The following ADCY9 variants were observed in gnomAD, a reference collection of about 807,000 sequenced individuals.
ADCY9 encodes adenylate cyclase 9.
A neutral mutation model predicts 101.5 loss-of-function variants in ADCY9; 50 were observed. The observed-to-expected ratio is 0.49, with a 90% confidence interval of 0.39 to 0.62. The LOEUF (loss-of-function observed/expected upper bound fraction) is 0.62. Ranked by LOEUF, ADCY9 falls within the 20% of genes least tolerant of loss-of-function variation. The probability of loss-of-function intolerance (pLI) is 0.00; values close to 1 mark genes in which losing one functional copy is unlikely to be tolerated. For synonymous variants in ADCY9, 905 were observed against 769.3 expected, an observed-to-expected ratio of 1.18 and a Z score of -2.92; for missense variants, 1,662 against 1,800.4, an observed-to-expected ratio of 0.92 and a Z score of 1.39.
At chr16:3,968,997 C>A (rs927210571) in intron 10 of ADCY9, among the ~76,000 whole-genome samples, 1 of 152,126 alleles carries the variant, frequency 6.6e-6, no homozygotes, top group Non-Finnish European at 1.5e-5. Context: ...AGGTGCACGC[C>A]ACCATGCCCA....
Position 3,979,110 on chromosome 16 carries a change from A to C in ADCY9, c.2679+6T>G, listed in dbSNP as rs780180110. The C allele has an allele frequency of 6.2e-7, 1 of 1,614,204 alleles. No individual in the cohort carries two copies. The highest frequency in any genetic ancestry group is 8.5e-7 in the Non-Finnish European group (1 of 1,180,020). ...GTGGAAATAAAACGGCTGAGCCTTT[A>C]CTTACGTGTATGTTGGTCTCATATT... On this transcript the variant is annotated splice_donor_region_variant and intron_variant, in intron 8 of 10. Transcript: ENST00000294016.
At chr16:4,038,223 G>C (rs964392266) in intron 2 of ADCY9, among the ~76,000 whole-genome samples, 1 of 151,714 alleles carries the variant, frequency 6.6e-6, no homozygotes, top group African/African-American at 2.4e-5. Context: ...CCAGGCTGCA[G>C]TGAGCCGTGA....
chr16:4,092,634 A>T (rs2056980630), intron 2 of ADCY9, among the ~76,000 whole-genome samples: 1 of 152,154 alleles, frequency 6.6e-6, no homozygotes, highest in South Asian at 2.1e-4. Context: ...TTTGATTCAA[A>T]TTTCTCTTTC....
At chr16:4,049,275 G>A (rs2056685726) in intron 2 of ADCY9, among the ~76,000 whole-genome samples, 2 of 152,158 alleles carry the variant, frequency 1.3e-5, no homozygotes, top group Non-Finnish European at 2.9e-5. Flanking sequence ...CCAGAGAGAA[G>A]AGGGTCCAGG....
intron 2 of ADCY9, among the ~76,000 whole-genome samples, chr16:4,070,120 A>ATGTGTG (rs58833048): frequency 4.7e-5 from 7 of 149,584 alleles, no homozygotes; most frequent in South Asian, 4.2e-4. Flanking sequence ...ATGTGTGTGT[A>ATGTGTG]TGTGTGTGTG....
At chr16:4,059,518 A>G (rs2056761503) in intron 2 of ADCY9, among the ~76,000 whole-genome samples, 1 of 152,234 alleles carries the variant, frequency 6.6e-6, no homozygotes, top group South Asian at 2.1e-4. Flanking sequence ...AAGTAACAAC[A>G]AAACTAGACA....
chr16:3,993,217 T>G (rs73490506), intron 4 of ADCY9, 189 bp downstream of exon 4: 1 of 980,568 alleles, frequency 1.0e-6, no homozygotes. Context: ...GGTTTCCACG[T>G]GGGTTGCTGC....
chr16:3,977,388 G>A lies in ADCY9; in HGVS notation c.2828+94C>T, dbSNP rs755725221. The stretch of plus-strand genomic sequence containing the variant: ...TGATGGGAAATATCTCTATCGGGGC[G>A]TGAGAAGCAATGTGCAAATGCAGCC... On this transcript the variant is annotated intron_variant, in intron 9 of 10. Transcript: ENST00000294016. 88 of 1,453,604 alleles carry A rather than the reference G, an allele frequency of 6.1e-5. 1 individual carries two copies. The highest frequency in any genetic ancestry group is 3.2e-4 in the East Asian group (13 of 40,052). 90.0% of individuals were successfully genotyped at this position (1,453,604 alleles called of 1,614,324 possible).
intron 8 of ADCY9, among the ~76,000 whole-genome samples, chr16:3,978,334 G>T (rs923708340): frequency 1.3e-5 from 2 of 151,958 alleles, no homozygotes; most frequent in Non-Finnish European, 2.9e-5. Context: ...CCATCAGCCC[G>T]CCCGGAAGCT....
At chr16:3,978,167 G>A (rs979739366) in intron 8 of ADCY9, among the ~76,000 whole-genome samples, 4 of 152,176 alleles carry the variant, frequency 2.6e-5, no homozygotes, top group African/African-American at 9.7e-5. Context: ...CTGTTCACAT[G>A]GCATCACACT....
chr16:4,103,817 C>T (rs1263382698), intron 2 of ADCY9, among the ~76,000 whole-genome samples: 3 of 151,834 alleles, frequency 2.0e-5, no homozygotes, highest in East Asian at 3.9e-4. Context: ...GGCGACAGAG[C>T]GAGACTCTGT....
In ADCY9 at chr16:4,114,024, G is replaced by A. The variant is rs765382815; in HGVS notation, c.1419C>T (p.Ile473=). The A allele has an allele frequency of 1.8e-5, 29 of 1,613,688 alleles. No individual in the cohort carries two copies. Among genetic ancestry groups the A allele is most frequent in the Admixed American group, 1.2e-4 (7 of 60,004 alleles). Residue 473 remains isoleucine, a synonymous_variant, in exon 2 of 11, where the codon ATC becomes ATT. Transcript: ENST00000294016. The surrounding 1 kb of genome is among the most constrained non-coding windows in gnomAD (Gnocchi z 4.3). ...CCTTCTTCTCCTGGCAGAACTGCTC[G>A]ATGGCCTTGATCATGCCCAGGCCCA... The part of the protein sequence containing the change: ...IEMGLGMIKA[I]EQFCQEKKEM...
intron 2 of ADCY9, among the ~76,000 whole-genome samples, chr16:4,087,757 T>C (rs1323416905): frequency 6.6e-6 from 1 of 151,858 alleles, no homozygotes; most frequent in Non-Finnish European, 1.5e-5. Context: ...AGCAATCCTG[T>C]TACTATTTGC....
chr16:3,996,609 G>A (rs1597153694), intron 3 of ADCY9, among the ~76,000 whole-genome samples: 1 of 152,276 alleles, frequency 6.6e-6, no homozygotes. Context: ...GGAAGCGTCT[G>A]CTGCACTTGG....
intron 10 of ADCY9, among the ~76,000 whole-genome samples, chr16:3,970,879 G>C (rs553330647): frequency 1.3e-5 from 2 of 152,252 alleles, no homozygotes; most frequent in African/African-American, 4.8e-5. Context: ...TGTGAAGATG[G>C]ACTGGAGCAT....
intron 2 of ADCY9, among the ~76,000 whole-genome samples, chr16:4,062,720 A>C (rs1219949459): frequency 6.6e-6 from 1 of 152,216 alleles, no homozygotes; most frequent in African/African-American, 2.4e-5. Context: ...CCACAGACTG[A>C]ATAAACTTTA....
rs1981643 is a variant in ADCY9 at position 4,052,366 on chromosome 16, G to A, written c.1694-44808C>T. Among the ~76,000 whole-genome samples, 894 of 152,208 alleles carry A rather than the reference G, an allele frequency of 5.9e-3. 12 individuals are homozygous for A. The highest frequency in any genetic ancestry group is 0.02 in the African/African-American group (845 of 41,522). The stretch of plus-strand genomic sequence containing the variant: ...TTGGGCAGGTCGGTGCAGGCTATCC[G>A]GGACAGCGTCCTTGTTTTTAGGAAA... On this transcript the variant is annotated intron_variant, in intron 2 of 10. Coordinates refer to ENST00000294016, the MANE Select transcript of ADCY9 (RefSeq NM_001116.4).
chr16:4,062,655 G>C (rs2056779681), intron 2 of ADCY9, among the ~76,000 whole-genome samples: 1 of 152,092 alleles, frequency 6.6e-6, no homozygotes, highest in African/African-American at 2.4e-5. Flanking sequence ...ACTCCAGCCT[G>C]GGTGACAGAG....
chr16:4,046,136 C>T (rs2056663060), intron 2 of ADCY9, among the ~76,000 whole-genome samples: 1 of 152,112 alleles, frequency 6.6e-6, no homozygotes, highest in African/African-American at 2.4e-5. Context: ...CAGGTGTGAG[C>T]CACGGCACCA....
Sources: allele counts gnomAD v4.1 joint callset (sites outside exome capture counted in the v4.1 genomes callset), GRCh38; gene constraint gnomAD v4.1.1; non-coding constraint Gnocchi (gnomAD v3.1); transcripts MANE v1.5; gene names NCBI Gene and HGNC (gene_info 2026-07-23, HGNC 2026-07-21).